TUSC3: variants seen among roughly 807,000 people sequenced by gnomAD.
The protein encoded by TUSC3 is dolichyl-diphosphooligosaccharide--protein glycosyltransferase subunit TUSC3.
In TUSC3, 45 loss-of-function variants were observed where a neutral mutation model predicts 44.8. The ratio of observed to expected loss-of-function variants is 1.00; its 90% confidence interval spans 0.79 to 1.29. TUSC3 has a LOEUF of 1.29. TUSC3 is among the 50% of genes most tolerant of loss of function. The pLI, the probability that TUSC3 is intolerant of heterozygous loss-of-function variation, is 0.00. For missense variants in TUSC3, 519 were observed against 437.9 expected, an observed-to-expected ratio of 1.19 and a Z score of -1.65; for synonymous variants, 212 against 152.9, an observed-to-expected ratio of 1.39 and a Z score of -2.85.
chr8:15,627,079 C>T (rs1157154896), intron 2 of TUSC3, among the ~76,000 whole-genome samples: 1 of 152,190 alleles, frequency 6.6e-6, no homozygotes, highest in Non-Finnish European at 1.5e-5. Context: ...ATATCTGGCC[C>T]ATAAAAACCT....
In TUSC3 at chr8:15,479,754, T is replaced by G. The variant is rs545232124; in HGVS notation, n.92-3632T>G. Among the ~76,000 whole-genome samples, 5 of 152,292 alleles carry G rather than the reference T, an allele frequency of 3.3e-5. No homozygotes were observed. In the East Asian group the frequency reaches 9.7e-4, roughly 29 times the overall value. Reference sequence around the variant, plus strand: ...TTGTTCTTTTTGCTTAGGATCATCTTGGCTATATTGGCTCTTTTTCAACAT... The same window carrying G: ...TTGTTCTTTTTGCTTAGGATCATCTGGGCTATATTGGCTCTTTTTCAACAT... On this transcript the variant is annotated intron_variant and non_coding_transcript_variant, in intron 1 of 5. Transcript: ENST00000503191.
At chr8:15,745,846 A>G (rs990760538) in intron 8 of TUSC3, among the ~76,000 whole-genome samples, 1 of 150,862 alleles carries the variant, frequency 6.6e-6, no homozygotes, top group African/African-American at 2.4e-5. Context: ...AGTAAAAAAA[A>G]TTCTTTGCCA....
At chr8:15,531,128 G>T (rs1244124974) in intron 2 of TUSC3, among the ~76,000 whole-genome samples, 1 of 152,204 alleles carries the variant, frequency 6.6e-6, no homozygotes, top group East Asian at 1.9e-4. Context: ...CAAGGGAAAG[G>T]AGCTCAAGTT....
chr8:15,455,791 C>G (rs1370872447), intron 1 of TUSC3, among the ~76,000 whole-genome samples: 1 of 152,130 alleles, frequency 6.6e-6, no homozygotes, highest in Non-Finnish European at 1.5e-5. Context: ...GAGATACTTA[C>G]GTTTTAAATG....
chr8:15,612,088 CT>C (rs1804787286), intron 1 of TUSC3, among the ~76,000 whole-genome samples: 1 of 152,116 alleles, frequency 6.6e-6, no homozygotes, highest in Non-Finnish European at 1.5e-5. Flanking sequence ...CAGTTGATAC[CT>C]TCAACATGTA....
At chr8:15,849,645 T>C in the TUSC3 span, among the ~76,000 whole-genome samples, 122 of 152,242 alleles carry the variant, frequency 8.0e-4, no homozygotes, top group Non-Finnish European at 1.4e-3. Flanking sequence ...CCTCTCACAC[T>C]AGCAAATCCT....
intron 2 of TUSC3, among the ~76,000 whole-genome samples, chr8:15,519,720 T>C: frequency 6.6e-6 from 1 of 152,264 alleles, no homozygotes; most frequent in South Asian, 2.1e-4. Context: ...ACAAGTCCCA[T>C]CGTGCCAAAA....
chr8:15,482,669 A>G (rs1046966511), intron 1 of TUSC3, among the ~76,000 whole-genome samples: 1 of 152,210 alleles, frequency 6.6e-6, no homozygotes, highest in Non-Finnish European at 1.5e-5. Flanking sequence ...TCAAAGTTCA[A>G]GTCTTACTGT....
intron 2 of TUSC3, among the ~76,000 whole-genome samples, chr8:15,629,756 T>A (rs1390918151): frequency 6.6e-6 from 1 of 151,830 alleles, no homozygotes; most frequent in Non-Finnish European, 1.5e-5. Flanking sequence ...AAAAGCGAAA[T>A]TTTCTTCTAG....
intron 6 of TUSC3, among the ~76,000 whole-genome samples, chr8:15,713,609 C>A (rs982416292): frequency 6.6e-6 from 1 of 152,056 alleles, no homozygotes; most frequent in Non-Finnish European, 1.5e-5. Flanking sequence ...GTCAGCAGGG[C>A]GAGTTTGAGG....
At chr8:15,734,788 A>G (rs557526792) in intron 7 of TUSC3, among the ~76,000 whole-genome samples, 2 of 152,206 alleles carry the variant, frequency 1.3e-5, no homozygotes, top group Non-Finnish European at 2.9e-5. Flanking sequence ...TAAGGAGGCT[A>G]TATTGGTAGA....
the TUSC3 span, among the ~76,000 whole-genome samples, chr8:15,820,310 C>CTTT: frequency 3.1e-5 from 3 of 97,568 alleles, no homozygotes; most frequent in Non-Finnish European, 4.3e-5. Context: ...ATCTGTAATT[C>CTTT]TTTTTTTTTT....
chr8:15,738,879 C>A (rs1046446726), intron 7 of TUSC3, among the ~76,000 whole-genome samples: 1 of 117,174 alleles, frequency 8.5e-6, no homozygotes, highest in African/African-American at 3.3e-5. Context: ...GTTGCCCAGG[C>A]TGGAGTGCAG....
At chr8:15,702,939 C>G (rs1809464465) in intron 6 of TUSC3, among the ~76,000 whole-genome samples, 2 of 152,028 alleles carry the variant, frequency 1.3e-5, no homozygotes, top group Admixed American at 1.3e-4. Context: ...TGTTTACGTG[C>G]ATGATGCCAA....
chr8:15,689,868 A>ATG, intron 6 of TUSC3, among the ~76,000 whole-genome samples: 1 of 572 alleles, frequency 1.7e-3, no homozygotes, highest in Non-Finnish European at 0.025. Flanking sequence ...GTGTGTATAA[A>ATG]TATATATATA....
chr8:15,819,821 T>A, the TUSC3 span, among the ~76,000 whole-genome samples: 1 of 152,322 alleles, frequency 6.6e-6, no homozygotes, highest in African/African-American at 2.4e-5. Context: ...AGGCTGAAAT[T>A]TTCTAGAACT....
intron 2 of TUSC3, among the ~76,000 whole-genome samples, chr8:15,626,084 T>C (rs954307098): frequency 2.0e-5 from 3 of 152,092 alleles, no homozygotes; most frequent in Admixed American, 6.5e-5. Flanking sequence ...GCAGTGGCAG[T>C]GGGGAGACCC....
intron 2 of TUSC3, among the ~76,000 whole-genome samples, chr8:15,633,773 G>A (rs1353543359): frequency 6.6e-6 from 1 of 152,156 alleles, no homozygotes; most frequent in Non-Finnish European, 1.5e-5. Flanking sequence ...GAGGGAGCAT[G>A]GCCCTACTCA....
At chr8:15,794,607 A>G in the TUSC3 span, among the ~76,000 whole-genome samples, 1 of 152,182 alleles carries the variant, frequency 6.6e-6, no homozygotes, top group Admixed American at 6.5e-5. Context: ...TAGCCAGAAT[A>G]ACAGGATTTT....
Sources: allele counts gnomAD v4.1 joint callset (sites outside exome capture counted in the v4.1 genomes callset), GRCh38; gene constraint gnomAD v4.1.1; transcripts MANE v1.5; gene names NCBI Gene and HGNC (gene_info 2026-07-23, HGNC 2026-07-21).